Variants in HEATR5A observed in about 807,000 individuals in gnomAD.
HEATR5A encodes the protein HEAT repeat-containing protein 5A.
In HEATR5A, 178 loss-of-function variants were observed where a neutral mutation model predicts 218.8. That is an observed-to-expected ratio of 0.81 (90% CI 0.72 to 0.92). HEATR5A has a LOEUF of 0.92. HEATR5A is among the 40% of genes least tolerant of loss of function. The probability of loss-of-function intolerance (pLI) is 0.00; values close to 1 mark genes in which losing one functional copy is unlikely to be tolerated. For synonymous variants in HEATR5A, 864 were observed against 871.6 expected, an observed-to-expected ratio of 0.99 and a Z score of 0.15; for missense variants, 2,420 against 2,418.9, an observed-to-expected ratio of 1.00 and a Z score of -0.01.
chr14:31,329,643 A>G (rs1447018238), intron 22 of HEATR5A, among the ~76,000 whole-genome samples: 1 of 152,182 alleles, frequency 6.6e-6, no homozygotes, highest in Admixed American at 6.5e-5. Flanking sequence ...GGCGTTGAGT[A>G]TATGTGGCTT....
intron 4 of HEATR5A, among the ~76,000 whole-genome samples, chr14:31,397,423 C>T (rs150560650): frequency 0.011 from 1,659 of 151,690 alleles, 27 homozygotes; most frequent in African/African-American, 0.038. Context: ...TTTGGGAGGC[C>T]GAGGCAGCTG....
At chr14:31,302,545 C>T in intron 32 of HEATR5A, 26 bp from the exon 33 acceptor site, 3 of 1,416,690 alleles carry the variant, frequency 2.1e-6, no homozygotes, top group Admixed American at 3.9e-5. Context: ...TTTAAAAACA[C>T]ACTGGATTTC....
Position 31,374,808 on chromosome 14 carries a change from C to T in HEATR5A, c.1861+8G>A. 1 of 1,599,628 alleles carries T rather than the reference C, an allele frequency of 6.3e-7. No homozygotes were observed. Among genetic ancestry groups the T allele is most frequent in the East Asian group, 2.2e-5 (1 of 44,632 alleles). On this transcript the variant is annotated splice_region_variant and intron_variant, in intron 12 of 35. Transcript: ENST00000543095. ...GGAAAGGGAGAGAAAAGACTAAATC[C>T]AACCTACCACACAGTGCACCAGCTC... is the stretch of plus-strand genomic sequence containing the variant.
chr14:31,312,538 G>A (rs1899790888), intron 28 of HEATR5A, among the ~76,000 whole-genome samples: 1 of 151,422 alleles, frequency 6.6e-6, no homozygotes, highest in African/African-American at 2.4e-5. Context: ...TCAGCCTCCC[G>A]AGTTGCAGGG....
chr14:31,418,209 G>A (rs1249307561), intron 1 of HEATR5A, among the ~76,000 whole-genome samples: 1 of 151,958 alleles, frequency 6.6e-6, no homozygotes, highest in Non-Finnish European at 1.5e-5. Context: ...ACCCTGTCTC[G>A]ATAAAAACAA....
intron 33 of HEATR5A, 79 bp downstream of exon 33, chr14:31,302,216 G>A (rs1899406651): frequency 9.8e-7 from 1 of 1,021,072 alleles, no homozygotes; most frequent in Admixed American, 2.1e-5. Flanking sequence ...ATATGATCAA[G>A]TAAAATATCT....
At chr14:31,368,320 C>T (rs1901880872) in intron 13 of HEATR5A, among the ~76,000 whole-genome samples, 1 of 152,122 alleles carries the variant, frequency 6.6e-6, no homozygotes, top group Admixed American at 6.6e-5. Flanking sequence ...TCTTAGACTC[C>T]TGCCTCCAGA....
chr14:31,321,397 C>T (rs1464842427), intron 25 of HEATR5A, 102 bp downstream of exon 25: 1 of 879,900 alleles, frequency 1.1e-6, no homozygotes, highest in Non-Finnish European at 1.7e-6. Flanking sequence ...CCGCCTTGGC[C>T]TCCCGAAGTG....
chr14:31,395,028 T>C (rs2030602860), intron 5 of HEATR5A, among the ~76,000 whole-genome samples, 171 bp downstream of exon 5: 1 of 152,202 alleles, frequency 6.6e-6, no homozygotes, highest in African/African-American at 2.4e-5. Flanking sequence ...TGCTAACTCT[T>C]TGAACCTTGG....
At position 31,345,916 on chromosome 14, in the gene HEATR5A, A is replaced by G. The variant is rs369876492; in HGVS notation, c.2869-640T>C. 7.3e-3 allele frequency among the ~76,000 whole-genome samples: 543 copies of G among 74,520 alleles called. 1 individual carries two copies. The highest frequency in any genetic ancestry group is 0.014 in the Non-Finnish European group (357 of 26,326). 48.9% of individuals were successfully genotyped at this position (74,520 alleles called of 152,430 possible). On this transcript the variant is annotated intron_variant, in intron 19 of 35. Transcript: ENST00000543095. ...GGTGCGCACACACATGCACACACGC[A>G]CACACACACACACAATGGTTTAAAT...
chr14:31,307,770 A>G, intron 30 of HEATR5A, 123 bp downstream of exon 30: 1 of 1,021,538 alleles, frequency 9.8e-7, no homozygotes, highest in Non-Finnish European at 1.4e-6. Flanking sequence ...CCTAGCTGTG[A>G]GGCTGTATGG....
rs377483359 is a variant in HEATR5A, at chr14:31,293,424, G to A, written c.6022C>T (p.Arg2008Cys). ...LVASSPALKA[R>C]LEAAIKGNQE... Reference sequence around the variant, plus strand: ...TTGCCCTTTATAGCAGCCTCAAGGCGGGCTTTTAGGGCTGGAGAAGAAGCC... The same window carrying A: ...TTGCCCTTTATAGCAGCCTCAAGGCAGGCTTTTAGGGCTGGAGAAGAAGCC... Residue 2008 changes from arginine (R) to cysteine (C), a missense_variant, in exon 36 of 36, where the codon CGC becomes TGC. By Grantham distance (180) the Arg-to-Cys change is radical. Transcript: ENST00000543095. 2.2e-5 allele frequency: 35 copies of A among 1,613,694 alleles called. No homozygotes were observed. Among genetic ancestry groups the A allele is most frequent in the African/African-American group, 1.7e-4 (13 of 74,908 alleles).
At chr14:31,327,993 G>A (rs11850492) in intron 22 of HEATR5A, among the ~76,000 whole-genome samples, 3,469 of 152,166 alleles carry the variant, frequency 0.023, 124 homozygotes, top group African/African-American at 0.079. Flanking sequence ...TCGCTCTGTC[G>A]CCCAGGTTGG....
At chr14:31,295,142 C>T (rs1303086227) in intron 34 of HEATR5A, among the ~76,000 whole-genome samples, 1 of 151,998 alleles carries the variant, frequency 6.6e-6, no homozygotes, top group African/African-American at 2.4e-5. Flanking sequence ...AAAAATAGGA[C>T]ATTACTCAAG....
intron 11 of HEATR5A, among the ~76,000 whole-genome samples, chr14:31,376,047 G>A (rs2139263217): frequency 6.6e-6 from 1 of 152,232 alleles, no homozygotes; most frequent in Non-Finnish European, 1.5e-5. Flanking sequence ...ACTGCATTTG[G>A]CTTTGGAGGG....
Position 31,371,924 on chromosome 14 carries a change from A to G in HEATR5A, c.1862-15T>C. The G allele has an allele frequency of 3.0e-6, 4 of 1,348,444 alleles. No homozygotes were observed. Among genetic ancestry groups the G allele is most frequent in the Non-Finnish European group, 4.1e-6 (4 of 973,430 alleles). 83.5% of individuals were successfully genotyped at this position (1,348,444 alleles called of 1,614,324 possible). A position where few individuals can be genotyped will look rare whatever the true frequency, so the allele number is the denominator to read the frequency against. ...GCTCTTGATAGCTGAAAAGGAAAAC[A>G]GACTTTTACTTGGGCATACTGTAAT... On this transcript the variant is annotated splice_polypyrimidine_tract_variant and intron_variant, in intron 12 of 35. Transcript: ENST00000543095.
At chr14:31,410,341 A>AGGGTAATTTGATT (rs2031230615) in intron 1 of HEATR5A, among the ~76,000 whole-genome samples, 1 of 152,214 alleles carries the variant, frequency 6.6e-6, no homozygotes, top group East Asian at 1.9e-4. Flanking sequence ...AATTCAAGAA[A>AGGGTAATTTGATT]CACAGATAAA....
intron 2 of HEATR5A, among the ~76,000 whole-genome samples, chr14:31,401,595 G>C (rs1236409647): frequency 1.3e-5 from 2 of 152,128 alleles, no homozygotes; most frequent in Non-Finnish European, 2.9e-5. Context: ...CAATTATAGT[G>C]CTACACTACA....
intron 14 of HEATR5A, among the ~76,000 whole-genome samples, 173 bp from the exon 15 acceptor site, chr14:31,359,230 C>T (rs74531008): frequency 0.013 from 1,898 of 151,318 alleles, 25 homozygotes; most frequent in African/African-American, 0.038. Flanking sequence ...GGCTCAACTA[C>T]GTGTTGCTAG....
Sources: gnomAD v4.1 joint callset for allele counts (sites outside exome capture counted in the v4.1 genomes callset) on GRCh38, gnomAD v4.1.1 for gene constraint, MANE v1.5 for transcripts, NCBI Gene and HGNC (gene_info 2026-07-23, HGNC 2026-07-21) for gene names.